The following CACNA1A variants were observed in gnomAD, a reference collection of about 807,000 sequenced individuals.
CACNA1A encodes the protein voltage-dependent P/Q-type calcium channel subunit alpha-1A.
In CACNA1A, 57 loss-of-function variants were observed where a neutral mutation model predicts 262.4. That is an observed-to-expected ratio of 0.22 (90% CI 0.18 to 0.27). The LOEUF is 0.27. Ranked by LOEUF, CACNA1A falls within the 10% of genes least tolerant of loss-of-function variation. The probability of loss-of-function intolerance (pLI) is 1.00; values close to 1 mark genes in which losing one functional copy is unlikely to be tolerated. For synonymous variants in CACNA1A, 1,431 were observed against 1,419.3 expected (o/e 1.01, Z -0.18); for missense variants, 2,526 against 3,562.8 (o/e 0.71, Z 7.41).
At chr19:13,444,927 C>T (rs999851819) in intron 3 of CACNA1A, among the ~76,000 whole-genome samples, 1 of 151,956 alleles carries the variant, frequency 6.6e-6, no homozygotes, top group Admixed American at 6.6e-5. Context: ...CACCTGAGGG[C>T]AGGACTTGGA....
At chr19:13,361,088 A>G (rs1437980474) in intron 5 of CACNA1A, among the ~76,000 whole-genome samples, 1 of 152,134 alleles carries the variant, frequency 6.6e-6, no homozygotes, top group Non-Finnish European at 1.5e-5. Context: ...TTATTCTCCT[A>G]TAAGCCTTGC....
At chr19:13,215,410 C>T (rs2054972575) in intron 38 of CACNA1A, among the ~76,000 whole-genome samples, 1 of 148,676 alleles carries the variant, frequency 6.7e-6, no homozygotes, top group South Asian at 2.1e-4. Context: ...ACCTCTGCCT[C>T]CTGGGTTCAA....
At chr19:13,335,622 A>G (rs1021893596) in intron 7 of CACNA1A, among the ~76,000 whole-genome samples, 184 bp downstream of exon 7, 1 of 152,166 alleles carries the variant, frequency 6.6e-6, no homozygotes, top group Non-Finnish European at 1.5e-5. Context: ...CTCACTGGGT[A>G]CCCCTAGCAG....
chr19:13,392,781 C>T (rs1477539579), intron 3 of CACNA1A, among the ~76,000 whole-genome samples: 1 of 151,934 alleles, frequency 6.6e-6, no homozygotes, highest in Non-Finnish European at 1.5e-5. Context: ...TTCATGTATT[C>T]TGCCACCCAG....
chr19:13,347,154 G>A (rs772962932), intron 6 of CACNA1A, among the ~76,000 whole-genome samples: 1 of 149,254 alleles, frequency 6.7e-6, no homozygotes, highest in South Asian at 2.1e-4. Context: ...AACCTCCCAG[G>A]CTCAAGCAGT....
chr19:13,209,789 T>C (rs2054735419), intron 44 of CACNA1A, among the ~76,000 whole-genome samples: 1 of 152,026 alleles, frequency 6.6e-6, no homozygotes, highest in South Asian at 2.1e-4. Context: ...TGATCCTCAC[T>C]CTCCAGTCCT....
rs909308673 is a variant in CACNA1A, at chr19:13,265,652, T to TTTTC, written c.3990-2823_3990-2820dup. Among the ~76,000 whole-genome samples the TTTTC allele has an allele frequency of 4.6e-5, 7 of 152,196 alleles. No homozygotes were observed. In the East Asian group the frequency reaches 1.4e-3, roughly 29 times the overall value. ...ATCTCAGAGGGGCATAATCATTTCT[T>TTTTC]TTTCTTTCTTTCTTTTTTATTATAC... On this transcript the variant is annotated intron_variant, in intron 24 of 46. Transcript: ENST00000360228.
intron 38 of CACNA1A, among the ~76,000 whole-genome samples, chr19:13,221,242 T>TTTCTTTCTTTCTTTC (rs2055216189): frequency 2.9e-5 from 1 of 34,110 alleles, no homozygotes; most frequent in Non-Finnish European, 5.8e-5. Context: ...TTCTTTTTTT[T>TTTCTTTCTTTCTTTC]TTTTTTTTTG....
chr19:13,414,210 T>C (rs770198564), intron 3 of CACNA1A, among the ~76,000 whole-genome samples: 13 of 151,164 alleles, frequency 8.6e-5, no homozygotes, highest in Non-Finnish European at 1.6e-4. Flanking sequence ...CTGGGCAACA[T>C]AGGGAGACTC....
intron 12 of CACNA1A, among the ~76,000 whole-genome samples, chr19:13,309,601 G>C (rs1393871890): frequency 6.6e-6 from 1 of 152,004 alleles, no homozygotes; most frequent in Admixed American, 6.6e-5. Flanking sequence ...GCTGAGGAGG[G>C]AGGATAGCTT....
chr19:13,432,043 T>C (rs1183019694), intron 3 of CACNA1A, among the ~76,000 whole-genome samples: 1 of 140,878 alleles, frequency 7.1e-6, no homozygotes, highest in Non-Finnish European at 1.5e-5. Context: ...AGGCTGAGGT[T>C]GCAGTGGGCT....
chr19:13,243,049 G>A (rs2056123264), intron 31 of CACNA1A, among the ~76,000 whole-genome samples: 1 of 152,200 alleles, frequency 6.6e-6, no homozygotes. Context: ...CTGCCCTTCT[G>A]GGGAGCTGGA....
chr19:13,211,679 C>T lies in CACNA1A; in HGVS notation c.6303+424G>A, dbSNP rs542217418. On this transcript the variant is annotated intron_variant, in intron 43 of 46. Transcript: ENST00000360228. ...GTGTGTATGCAAGCATCTGAGTAGG[C>T]GCACAGCTGCACATGTGTGTGCATG... is the stretch of plus-strand genomic sequence containing the variant. 3.8e-4 allele frequency: 80 copies of T among 211,022 alleles called. 1 individual carries two copies. The highest frequency in any genetic ancestry group is 3.0e-3 in the South Asian group (37 of 12,486). The allele number at this position is 211,022 out of a possible 1,614,324, so 13.1% of individuals were successfully genotyped here. A position where few individuals can be genotyped will look rare whatever the true frequency, so the allele number is the denominator to read the frequency against.
intron 30 of CACNA1A, chr19:13,245,486 A>G (rs1183104224): frequency 1.1e-5 from 6 of 557,624 alleles, no homozygotes; most frequent in Non-Finnish European, 1.9e-5. Flanking sequence ...GCCTGGCCCC[A>G]GAGGGGGCCT....
rs879657397 is a variant in CACNA1A, at chr19:13,392,210, C to CA, written c.540-20432dup. ...TGGTCAACAAGAGTGAAACTCTGTT[C>CA]AAAAAAAAAGAAAAGAAAAGAAAAA... is the stretch of plus-strand genomic sequence containing the variant. On this transcript the variant is annotated intron_variant, in intron 3 of 46. Transcript: ENST00000360228. 2.7e-3 allele frequency among the ~76,000 whole-genome samples: 397 copies of CA among 146,728 alleles called. 3 individuals carry two copies. The highest frequency in any genetic ancestry group is 9.1e-3 in the Admixed American group (133 of 14,588).
chr19:13,379,157 G>T (rs1387421938), intron 3 of CACNA1A, among the ~76,000 whole-genome samples: 1 of 151,698 alleles, frequency 6.6e-6, no homozygotes, highest in South Asian at 2.1e-4. Context: ...TTTTTAAAAA[G>T]AATTTTTTTG....
intron 17 of CACNA1A, 115 bp downstream of exon 17, chr19:13,303,431 T>G: frequency 1.4e-6 from 1 of 704,868 alleles, no homozygotes; most frequent in Non-Finnish European, 2.3e-6. Context: ...CGGCAAAAGT[T>G]CTAACCCTGT....
At position 13,208,877 on chromosome 19, in the gene CACNA1A, GGATGGTGGTGGT is replaced by G. The variant is rs770368215; in HGVS notation, c.6647_6658del (p.His2216_His2219del). ...ATAGCGGTCCTTGTCGGGGGGCGGG[GGATGGTGGTGGT>G]GGTGGTGGTGGTGGTGGTGCTGTCG... is the stretch of plus-strand genomic sequence containing the variant. On this transcript the variant is annotated inframe_deletion, in exon 46 of 47. Transcript: ENST00000360228. 376 of 1,460,020 alleles carry G rather than the reference GGATGGTGGTGGT, an allele frequency of 2.6e-4. No individual in the cohort carries two copies. Among genetic ancestry groups the G allele is most frequent in the South Asian group, 3.1e-4 (25 of 81,076 alleles). The allele number at this position is 1,460,020 out of a possible 1,614,324, so 90.4% of individuals were successfully genotyped here. A position where few individuals can be genotyped will look rare whatever the true frequency, so the allele number is the denominator to read the frequency against.
intron 6 of CACNA1A, among the ~76,000 whole-genome samples, chr19:13,353,293 A>AT (rs1418325821): frequency 1.9e-4 from 24 of 128,868 alleles, no homozygotes; most frequent in East Asian, 9.9e-4. Flanking sequence ...TGATTTTTGT[A>AT]TTTTTGTTTT....
Sources: gnomAD v4.1 joint callset for allele counts (sites outside exome capture counted in the v4.1 genomes callset) on GRCh38, gnomAD v4.1.1 for gene constraint, MANE v1.5 for transcripts, NCBI Gene and HGNC (gene_info 2026-07-23, HGNC 2026-07-21) for gene names.